The following ERBB4 variants were observed in gnomAD, a reference collection of about 807,000 sequenced individuals.
ERBB4 encodes receptor tyrosine-protein kinase erbB-4.
In ERBB4, 42 loss-of-function variants were observed where a neutral mutation model predicts 158.0. That is an observed-to-expected ratio of 0.27 (90% confidence interval 0.21 to 0.34). The LOEUF (loss-of-function observed/expected upper bound fraction) is 0.34. ERBB4 is among the 10% of genes least tolerant of loss of function. ERBB4 has a pLI of 1.00. For missense variants in ERBB4, 1,333 were observed against 1,624.1 expected (o/e 0.82, Z 3.08); for synonymous variants, 583 against 558.7 (o/e 1.04, Z -0.61).
chr2:212,044,315 G>A (rs2077207012), intron 2 of ERBB4, among the ~76,000 whole-genome samples: 1 of 152,014 alleles, frequency 6.6e-6, no homozygotes, highest in Admixed American at 6.6e-5. Context: ...AGCTGATTTG[G>A]ACTCTTGCCA....
intron 1 of ERBB4, among the ~76,000 whole-genome samples, chr2:212,220,371 G>T (rs1329444207): frequency 6.6e-6 from 1 of 151,330 alleles, no homozygotes; most frequent in Admixed American, 6.6e-5. Context: ...ACACAAATAA[G>T]CATACACAAA....
chr2:212,282,529 C>T (rs1485848534), intron 1 of ERBB4, among the ~76,000 whole-genome samples: 2 of 151,922 alleles, frequency 1.3e-5, no homozygotes, highest in East Asian at 3.9e-4. Context: ...GTGTGTCCAT[C>T]ATATTTATTT....
At chr2:211,452,942 A>G (rs2064286919) in intron 20 of ERBB4, among the ~76,000 whole-genome samples, 1 of 152,228 alleles carries the variant, frequency 6.6e-6, no homozygotes, top group African/African-American at 2.4e-5. Flanking sequence ...AGTCTCTCAG[A>G]GTGTTTTAAT....
chr2:211,736,008 A>G (rs892881058), intron 5 of ERBB4, among the ~76,000 whole-genome samples: 2 of 151,296 alleles, frequency 1.3e-5, no homozygotes, highest in Non-Finnish European at 2.9e-5. Context: ...AAAAAGGAAA[A>G]ACAAAATAGC....
At chr2:212,506,475 G>A (rs2106261377) in intron 1 of ERBB4, among the ~76,000 whole-genome samples, 1 of 151,648 alleles carries the variant, frequency 6.6e-6, no homozygotes, top group East Asian at 1.9e-4. Flanking sequence ...TGAATGCAAA[G>A]GAAAAGTTAT....
At chr2:212,063,194 C>A (rs532280577) in intron 2 of ERBB4, among the ~76,000 whole-genome samples, 1 of 151,982 alleles carries the variant, frequency 6.6e-6, no homozygotes, top group Non-Finnish European at 1.5e-5. Context: ...TTTTACTTTA[C>A]AAAGAGTAAT....
chr2:212,394,274 A>G (rs544049616), intron 1 of ERBB4, among the ~76,000 whole-genome samples: 33 of 152,254 alleles, frequency 2.2e-4, no homozygotes, highest in Middle Eastern at 6.8e-3. Flanking sequence ...AATTTAAAAT[A>G]ATAAAAGAAA....
intron 3 of ERBB4, among the ~76,000 whole-genome samples, chr2:211,833,834 A>G (rs2077277918): frequency 6.6e-6 from 1 of 152,092 alleles, no homozygotes. Context: ...AAACTATATT[A>G]AAGTATCCTT....
chr2:212,483,773 A>G (rs897722312), intron 1 of ERBB4, among the ~76,000 whole-genome samples: 4 of 151,960 alleles, frequency 2.6e-5, no homozygotes, highest in Non-Finnish European at 5.9e-5. Context: ...GTCTTGCTCT[A>G]TTGCCCAGGC....
intron 19 of ERBB4, among the ~76,000 whole-genome samples, chr2:211,576,404 A>G (rs915477771): frequency 2.0e-5 from 3 of 152,204 alleles, no homozygotes; most frequent in African/African-American, 7.2e-5. Flanking sequence ...ATGGCATGGT[A>G]TCTTGGGTTT....
intron 1 of ERBB4, among the ~76,000 whole-genome samples, chr2:212,424,833 G>GA (rs1179669338): frequency 3.3e-5 from 5 of 151,882 alleles, no homozygotes; most frequent in African/African-American, 1.2e-4. Context: ...TATAAACAAA[G>GA]AAAAAGCCTT....
intron 2 of ERBB4, among the ~76,000 whole-genome samples, chr2:212,047,714 G>A (rs546748994): frequency 1.1e-4 from 16 of 150,932 alleles, no homozygotes; most frequent in African/African-American, 3.6e-4. Flanking sequence ...GAACTCCTGA[G>A]CTCAAGCAAT....
At chr2:212,453,949 T>TC (rs1393847676) in intron 1 of ERBB4, among the ~76,000 whole-genome samples, 1 of 152,062 alleles carries the variant, frequency 6.6e-6, no homozygotes, top group Non-Finnish European at 1.5e-5. Flanking sequence ...CTTAACTTTT[T>TC]TTTTTTTTTT....
At chr2:212,010,091 C>T (rs189892410) in intron 2 of ERBB4, among the ~76,000 whole-genome samples, 6 of 152,268 alleles carry the variant, frequency 3.9e-5, no homozygotes, top group Admixed American at 3.3e-4. Context: ...TTTCCAGCCT[C>T]GTTTTTTGAC....
chr2:211,505,919 C>T, intron 20 of ERBB4, among the ~76,000 whole-genome samples: 1 of 145,820 alleles, frequency 6.9e-6, no homozygotes, highest in East Asian at 2.1e-4. Flanking sequence ...AAGATCGCAC[C>T]ACTGCACTCC....
chr2:212,479,479 A>T (rs1441643797), intron 1 of ERBB4, among the ~76,000 whole-genome samples: 2 of 152,174 alleles, frequency 1.3e-5, no homozygotes, highest in East Asian at 3.8e-4. Flanking sequence ...TAAACACAAG[A>T]GCACCCAATA....
In ERBB4 at chr2:212,191,705, GTTATA is replaced by G. The variant is rs1189587846; in HGVS notation, c.83-66807_83-66803del. 2.0e-4 allele frequency among the ~76,000 whole-genome samples: 30 copies of G among 147,254 alleles called. 1 individual carries two copies. Among genetic ancestry groups the G allele is most frequent in the African/African-American group, 4.2e-4 (17 of 40,272 alleles). On this transcript the variant is annotated intron_variant, in intron 1 of 27. Transcript: ENST00000342788. The stretch of plus-strand genomic sequence containing the variant: ...GTTATACATGTTACATATAACACGT[GTTATA>G]CATGTTACATATAACACGTGTTATA...
intron 1 of ERBB4, among the ~76,000 whole-genome samples, chr2:212,399,545 CATATATATATATATATATATATATAT>C (rs869111881): frequency 1.0e-4 from 4 of 38,098 alleles, no homozygotes; most frequent in Admixed American, 2.5e-4. Flanking sequence ...TTTATATATA[CATATATATATATATATATATATATAT>C]ATATATATAT....
At chr2:211,990,974 A>G (rs1356513062) in intron 2 of ERBB4, among the ~76,000 whole-genome samples, 2 of 151,998 alleles carry the variant, frequency 1.3e-5, no homozygotes, top group African/African-American at 2.4e-5. Context: ...TAACATACAA[A>G]TTTTAGCATA....
Sources: allele counts gnomAD v4.1 joint callset (sites outside exome capture counted in the v4.1 genomes callset), GRCh38; gene constraint gnomAD v4.1.1; transcripts MANE v1.5; gene names NCBI Gene and HGNC (gene_info 2026-07-23, HGNC 2026-07-21).